Variants in RNPC3 observed in about 807,000 individuals in gnomAD.
The protein encoded by RNPC3 is RNA binding region (RNP1, RRM) containing 3.
A neutral mutation model predicts 67.5 loss-of-function variants in RNPC3; 48 were observed. The ratio of observed to expected loss-of-function variants is 0.71; its 90% CI spans 0.56 to 0.90. The LOEUF (loss-of-function observed/expected upper bound fraction) is 0.90. RNPC3 is among the 40% of genes least tolerant of loss of function. The pLI is 0.00. For synonymous variants in RNPC3, 239 were observed against 210.3 expected, an observed-to-expected ratio of 1.14 and a Z score of -1.18; for missense variants, 637 against 626.1, an observed-to-expected ratio of 1.02 and a Z score of -0.19.
chr1:103,531,784 G>A lies in RNPC3; in HGVS notation c.241-1955G>A, dbSNP rs181258663. On this transcript the variant is annotated intron_variant, in intron 2 of 14. Transcript: ENST00000423855. ...CAAATATTTTCTCCCGCTATGGGTT[G>A]TCTGTTTGTTGATTGTTTCTTTTGC... Among the ~76,000 whole-genome samples the A allele has an allele frequency of 1.1e-4, 16 of 152,126 alleles. No homozygotes were observed. The East Asian group carries it at 3.1e-3, about 29-fold the overall frequency.
chr1:103,536,190 C>T lies in RNPC3; in HGVS notation c.620C>T (p.Pro207Leu). The T allele has an allele frequency of 6.5e-7, 1 of 1,534,768 alleles. No homozygotes were observed. Among genetic ancestry groups the T allele is most frequent in the Non-Finnish European group, 8.7e-7 (1 of 1,144,842 alleles). ...TPFGPITARP[P>L]MYEDYMPLHA... ...TTTGGACCAATTACTGCGCGACCTC[C>T]CATGGTAAGAAAACTCTTAGAATTT... The change falls in exon 6 of 15, where the codon CCC (proline) becomes CTC (leucine). Residue 207 changes from proline (P) to leucine (L), a missense_variant. By Grantham distance (98) the Pro-to-Leu change is moderately conservative. Coordinates refer to ENST00000423855, the MANE Select transcript of RNPC3 (RefSeq NM_017619.4).
intron 14 of RNPC3, 156 bp downstream of exon 14, chr1:103,551,948 ATAAC>A (rs1342107112): frequency 1.1e-5 from 5 of 472,610 alleles, no homozygotes; most frequent in Non-Finnish European, 1.9e-5. Context: ...CGTCAAAACT[ATAAC>A]TACAGATTAA....
chr1:103,542,078 G>C (rs941639736), intron 8 of RNPC3, among the ~76,000 whole-genome samples: 1 of 152,042 alleles, frequency 6.6e-6, no homozygotes, highest in South Asian at 2.1e-4. Flanking sequence ...AAAGTTTAAT[G>C]CTGTCTTTTC....
intron 2 of RNPC3, 36 bp from the exon 3 acceptor site, chr1:103,533,703 A>G (rs1650917342): frequency 8.7e-7 from 1 of 1,147,558 alleles, no homozygotes; most frequent in Non-Finnish European, 1.3e-6. Context: ...TTTTGGTACA[A>G]TTGTGAAATG....
chr1:103,546,111 TG>T (rs1651237563), intron 10 of RNPC3, 136 bp from the exon 11 acceptor site: 1 of 420,896 alleles, frequency 2.4e-6, no homozygotes, highest in Non-Finnish European at 4.1e-6. Context: ...TTTCATTTTA[TG>T]TTAAAGTGAA....
rs1012245600 is a variant in RNPC3 at position 103,536,189 on chromosome 1, C to T, written c.619C>T (p.Pro207Ser). ...TTTTGGACCAATTACTGCGCGACCT[C>T]CCATGGTAAGAAAACTCTTAGAATT... ...TPFGPITARP[P>S]MYEDYMPLHA... The change falls in exon 6 of 15, where the codon CCC becomes TCC. Residue 207 changes from proline to serine, a missense_variant. Pro to Ser is a moderately conservative substitution (Grantham distance 74). Transcript: ENST00000423855. The T allele has an allele frequency of 1.3e-6, 2 of 1,534,590 alleles. No homozygotes were observed. Among genetic ancestry groups the T allele is most frequent in the African/African-American group, 1.4e-5 (1 of 72,946 alleles).
At chr1:103,546,595 G>GA (rs1258879875) in intron 11 of RNPC3, 1 of 327,848 alleles carries the variant, frequency 3.1e-6, no homozygotes, top group African/African-American at 2.1e-5. Context: ...CTAAGTGGCT[G>GA]AAACAACAGA....
intron 6 of RNPC3, 28 bp downstream of exon 6, chr1:103,536,222 C>A: frequency 6.8e-7 from 1 of 1,478,448 alleles, no homozygotes. Context: ...ATTTTCAAGT[C>A]AAAATTTCTC....
chr1:103,529,257 AT>A (rs1205050981), intron 2 of RNPC3, among the ~76,000 whole-genome samples: 2 of 151,910 alleles, frequency 1.3e-5, no homozygotes, highest in African/African-American at 2.4e-5. Context: ...ATGGTAGGTA[AT>A]TTTTTTTCAG....
intron 13 of RNPC3, among the ~76,000 whole-genome samples, chr1:103,551,434 AT>A (rs1301581288): frequency 6.6e-6 from 1 of 152,240 alleles, no homozygotes; most frequent in East Asian, 1.9e-4. Flanking sequence ...GAGAATTTTA[AT>A]AACTAGAGTA....
chr1:103,533,132 T>C (rs1196138496), intron 2 of RNPC3, among the ~76,000 whole-genome samples: 1 of 151,906 alleles, frequency 6.6e-6, no homozygotes, highest in Non-Finnish European at 1.5e-5. Flanking sequence ...ATTTAGTATA[T>C]AAGTTAAGCA....
chr1:103,533,897 T>G, intron 3 of RNPC3, 40 bp downstream of exon 3: 1 of 1,057,864 alleles, frequency 9.5e-7, no homozygotes, highest in Non-Finnish European at 1.4e-6. Flanking sequence ...GTTACATTTT[T>G]AAAGTGTGTG....
chr1:103,537,195 C>A, intron 6 of RNPC3, 147 bp from the exon 7 acceptor site: 2 of 509,606 alleles, frequency 3.9e-6, no homozygotes, highest in Non-Finnish European at 6.5e-6. Flanking sequence ...AGTGATCTGC[C>A]ATACAAGGTG....
chr1:103,529,055 G>A (rs900403575), intron 2 of RNPC3, among the ~76,000 whole-genome samples: 1 of 152,140 alleles, frequency 6.6e-6, no homozygotes, highest in African/African-American at 2.4e-5. Context: ...TGATAGCCCA[G>A]ATAGAGTACA....
chr1:103,541,032 G>A (rs1241400966), intron 7 of RNPC3, among the ~76,000 whole-genome samples: 4 of 152,110 alleles, frequency 2.6e-5, no homozygotes, highest in South Asian at 2.1e-4. Flanking sequence ...TTGTTCAGCC[G>A]TTTGGCATGA....
Position 103,550,029 on chromosome 1 carries a change from C to T in RNPC3, c.1362-912C>T, listed in dbSNP as rs1336643284. Among the ~76,000 whole-genome samples, 24 of 151,588 alleles carry T rather than the reference C, an allele frequency of 1.6e-4. No homozygotes were observed. The East Asian group carries it at 4.7e-3, about 30-fold the overall frequency. On this transcript the variant is annotated intron_variant, in intron 12 of 14. Transcript: ENST00000423855. ...AAATACAAAAATTAGCCAAGCATGG[C>T]GGTAGACGGCTGTAATCCCAGCTAC...
At chr1:103,541,570 G>C in intron 8 of RNPC3, 95 bp downstream of exon 8, 2 of 1,236,894 alleles carry the variant, frequency 1.6e-6, no homozygotes, top group South Asian at 1.5e-5. Context: ...TTTGTTTCCT[G>C]TCAGTGTTCT....
At chr1:103,535,981 T>C (rs1399051756) in intron 5 of RNPC3, 145 bp from the exon 6 acceptor site, 1 of 603,644 alleles carries the variant, frequency 1.7e-6, no homozygotes, top group Non-Finnish European at 2.9e-6. Flanking sequence ...TGTTTTACCT[T>C]ATGCAGAGAT....
At chr1:103,546,928 T>G in intron 11 of RNPC3, 49 bp from the exon 12 acceptor site, 2 of 976,832 alleles carry the variant, frequency 2.0e-6, no homozygotes, top group Non-Finnish European at 3.0e-6. Flanking sequence ...ATTTATTAAG[T>G]TTTTTTCCCC....
Sources: allele counts gnomAD v4.1 joint callset (sites outside exome capture counted in the v4.1 genomes callset), GRCh38; gene constraint gnomAD v4.1.1; transcripts MANE v1.5; gene names NCBI Gene and HGNC (gene_info 2026-07-23, HGNC 2026-07-21).